Variants in CRYZL1 observed in about 807,000 individuals in gnomAD.
CRYZL1 encodes the protein ferry endosomal RAB5 effector complex subunit 4.
In CRYZL1, 34 loss-of-function variants were observed where a neutral mutation model predicts 50.6. The observed-to-expected ratio is 0.67, with a 90% confidence interval of 0.51 to 0.89. The LOEUF (loss-of-function observed/expected upper bound fraction) is 0.89. Ranked by LOEUF, CRYZL1 falls within the 40% of genes least tolerant of loss-of-function variation. The pLI is 0.00. For synonymous variants in CRYZL1, 125 were observed against 134.3 expected (o/e 0.93, Z 0.48); for missense variants, 354 against 402.3 (o/e 0.88, Z 1.03).
At chr21:33,591,681 C>T (rs2086643850) in intron 11 of CRYZL1, 1 of 158,678 alleles carries the variant, frequency 6.3e-6, no homozygotes, top group Non-Finnish European at 1.4e-5. Context: ...ATACAGTCAT[C>T]CCTCACGCAT....
chr21:33,599,411 T>C (rs1274352343), intron 8 of CRYZL1, 163 bp from the exon 9 acceptor site: 6 of 985,418 alleles, frequency 6.1e-6, no homozygotes, highest in Admixed American at 2.1e-5. Context: ...ATTTAAATTA[T>C]ACTTTTTCTC....
chr21:33,629,571 AT>A (rs908518933), intron 2 of CRYZL1, among the ~76,000 whole-genome samples: 17 of 152,016 alleles, frequency 1.1e-4, no homozygotes, highest in Non-Finnish European at 2.1e-4. Flanking sequence ...CCTCCTACTG[AT>A]TTTTTATTTC....
chr21:33,625,165 T>A (rs1303102804), intron 2 of CRYZL1, among the ~76,000 whole-genome samples: 1 of 151,964 alleles, frequency 6.6e-6, no homozygotes, highest in East Asian at 1.9e-4. Context: ...CTGATTTTTT[T>A]TTTTTTTTGA....
At chr21:33,614,484 T>A (rs148315599) in intron 5 of CRYZL1, among the ~76,000 whole-genome samples, 1 of 152,312 alleles carries the variant, frequency 6.6e-6, no homozygotes, top group East Asian at 1.9e-4. Context: ...AGCAAGATTC[T>A]GTCTCAAACT....
chr21:33,641,308 G>A (rs1281729766), intron 1 of CRYZL1: 7 of 1,547,522 alleles, frequency 4.5e-6, no homozygotes, highest in Non-Finnish European at 6.1e-6. Flanking sequence ...AGAAGTGGCT[G>A]AGAAGAAGTA....
chr21:33,597,573 T>C (rs1315232307), intron 9 of CRYZL1, among the ~76,000 whole-genome samples, 172 bp from the exon 10 acceptor site: 1 of 152,030 alleles, frequency 6.6e-6, no homozygotes, highest in African/African-American at 2.4e-5. Context: ...TCATGAGTAG[T>C]TGGGACTACA....
chr21:33,639,884 G>A (rs1167917458), intron 1 of CRYZL1: 3 of 252,050 alleles, frequency 1.2e-5, no homozygotes, highest in Non-Finnish European at 2.3e-5. Flanking sequence ...GAGTGTGGTG[G>A]TCGTGATCTT....
rs971686450 is a variant in CRYZL1 at position 33,604,272 on chromosome 21, T to C, written c.332-735A>G. Among the ~76,000 whole-genome samples, 14 of 143,620 alleles carry C rather than the reference T, an allele frequency of 9.7e-5. No individual in the cohort carries two copies. The Admixed American group carries it at 1.0e-3, about 11-fold the overall frequency. The allele number at this position is 143,620 out of a possible 152,430, so 94.2% of individuals were successfully genotyped here. A position where few individuals can be genotyped will look rare whatever the true frequency, so the allele number is the denominator to read the frequency against. On this transcript the variant is annotated intron_variant, in intron 6 of 12. Transcript: ENST00000381554. ...CGGAGAGGCTGAGGCAAGAGAATGG[T>C]GTGAACCCGGGAGGCAGAGCTTGTA...
At chr21:33,616,927 C>G (rs917062027) in intron 4 of CRYZL1, 177 bp from the exon 5 acceptor site, 15 of 450,416 alleles carry the variant, frequency 3.3e-5, no homozygotes, top group African/African-American at 3.0e-4. Flanking sequence ...ACAGGATATA[C>G]AGCACTTCAA....
In CRYZL1 at chr21:33,636,530, T is replaced by C. The variant is rs144227555; in HGVS notation, c.-6-4973A>G. Among the ~76,000 whole-genome samples, 385 of 152,328 alleles carry C rather than the reference T, an allele frequency of 2.5e-3. 1 individual carries two copies. Among genetic ancestry groups the C allele is most frequent in the Non-Finnish European group, 4.5e-3 (304 of 68,028 alleles). On this transcript the variant is annotated intron_variant, in intron 1 of 12. Coordinates refer to ENST00000381554, the MANE Select transcript of CRYZL1 (RefSeq NM_145858.3). Reference sequence around the variant, plus strand: ...ATGTTAGTAATACTATAAATTTTTATATTGGCCATACAGTAAACTTACTAA... The same window carrying C: ...ATGTTAGTAATACTATAAATTTTTACATTGGCCATACAGTAAACTTACTAA...
At chr21:33,619,853 G>A (rs1018349330) in intron 4 of CRYZL1, among the ~76,000 whole-genome samples, 1 of 152,154 alleles carries the variant, frequency 6.6e-6, no homozygotes, top group African/African-American at 2.4e-5. Flanking sequence ...TCCCTGCTAG[G>A]TGTGATTCTC....
intron 1 of CRYZL1, among the ~76,000 whole-genome samples, chr21:33,638,329 C>T (rs2087235297): frequency 6.6e-6 from 1 of 152,006 alleles, no homozygotes; most frequent in Non-Finnish European, 1.5e-5. Flanking sequence ...TCTCCTGCCC[C>T]AGCCTCCCGA....
chr21:33,628,437 T>C (rs1470785297), intron 2 of CRYZL1, among the ~76,000 whole-genome samples: 3 of 152,174 alleles, frequency 2.0e-5, no homozygotes, highest in African/African-American at 7.2e-5. Flanking sequence ...ATTCTTCCAA[T>C]TAATGAACAT....
chr21:33,612,240 A>G (rs990294365), intron 6 of CRYZL1, among the ~76,000 whole-genome samples: 3 of 152,020 alleles, frequency 2.0e-5, no homozygotes, highest in African/African-American at 4.8e-5. Context: ...ACTCCAGCAC[A>G]TGAAAGGTTC....
At chr21:33,589,967 G>A (rs1302920115) in intron 12 of CRYZL1, 46 bp from the exon 13 acceptor site, 1 of 1,151,268 alleles carries the variant, frequency 8.7e-7, no homozygotes, top group South Asian at 1.3e-5. Context: ...TTAAAGATAA[G>A]TAGAACAAAC....
intron 2 of CRYZL1, among the ~76,000 whole-genome samples, chr21:33,627,921 A>G (rs2145955287): frequency 6.6e-6 from 1 of 151,300 alleles, no homozygotes; most frequent in East Asian, 1.9e-4. Flanking sequence ...ATTTTTTTTT[A>G]TTTTTAGTAG....
At chr21:33,636,237 C>T (rs1159763557) in intron 1 of CRYZL1, among the ~76,000 whole-genome samples, 1 of 151,906 alleles carries the variant, frequency 6.6e-6, no homozygotes, top group Non-Finnish European at 1.5e-5. Context: ...TCTTAAAATA[C>T]AATAAATAAA....
At chr21:33,604,729 T>G (rs1163059821) in intron 6 of CRYZL1, among the ~76,000 whole-genome samples, 1 of 152,180 alleles carries the variant, frequency 6.6e-6, no homozygotes, top group East Asian at 1.9e-4. Flanking sequence ...CACCTTCATT[T>G]GCTTACCCAT....
At position 33,616,723 on chromosome 21, in the gene CRYZL1, G is replaced by A; in HGVS notation, c.245C>T (p.Pro82Leu). ...TAACTTACCAACTACTTCATCATCT[G>A]GTTGAAAGAATGATACCTTGCTTCC... The part of the protein sequence containing the change: ...DVGSKVSFFQ[P>L]DDEVVGILPL... Residue 82 changes from proline (P) to leucine (L), a missense_variant, in exon 5 of 13, where the codon CCA becomes CTA. Coordinates refer to ENST00000381554, the MANE Select transcript of CRYZL1 (RefSeq NM_145858.3). 1 of 1,608,130 alleles carries A rather than the reference G, an allele frequency of 6.2e-7. No individual in the cohort carries two copies. The highest frequency in any genetic ancestry group is 8.5e-7 in the Non-Finnish European group (1 of 1,176,882).
Sources: allele counts gnomAD v4.1 joint callset (sites outside exome capture counted in the v4.1 genomes callset), GRCh38; gene constraint gnomAD v4.1.1; transcripts MANE v1.5; gene names NCBI Gene and HGNC (gene_info 2026-07-23, HGNC 2026-07-21).